KIAA2012: variants seen among roughly 807,000 people sequenced by gnomAD.
The protein encoded by KIAA2012 is uncharacterized protein KIAA2012.
In KIAA2012, 125 loss-of-function variants were observed where a neutral mutation model predicts 150.6. That is an observed-to-expected ratio of 0.83 (90% CI 0.72 to 0.96). The LOEUF is 0.96. Ranked by LOEUF, KIAA2012 falls within the 40% of genes least tolerant of loss-of-function variation. The pLI is 0.00. For synonymous variants in KIAA2012, 462 were observed against 504.7 expected (o/e 0.92, Z 1.13); for missense variants, 1,219 against 1,354.9 (o/e 0.90, Z 1.57).
At chr2:202,150,446 T>C (rs763593351) in intron 13 of KIAA2012, among the ~76,000 whole-genome samples, 60 of 144,614 alleles carry the variant, frequency 4.1e-4, no homozygotes, top group Non-Finnish European at 5.2e-4. Flanking sequence ...TTTTTGTTTT[T>C]TGTTTTTTGT....
chr2:202,178,932 C>CTGTA (rs1251452955), intron 15 of KIAA2012: 1 of 226,396 alleles, frequency 4.4e-6, no homozygotes, highest in African/African-American at 2.4e-5. Context: ...AACAGATTAA[C>CTGTA]TGTAGTATTA....
intron 10 of KIAA2012, among the ~76,000 whole-genome samples, chr2:202,112,245 A>C (rs1690380665): frequency 6.6e-6 from 1 of 152,074 alleles, no homozygotes; most frequent in Non-Finnish European, 1.5e-5. Flanking sequence ...GGGACACTGG[A>C]GATCAAGCTC....
At chr2:202,110,733 A>G (rs1025655201) in intron 10 of KIAA2012, among the ~76,000 whole-genome samples, 18 of 152,326 alleles carry the variant, frequency 1.2e-4, no homozygotes, top group African/African-American at 3.8e-4. Flanking sequence ...ATGCTCACTC[A>G]GGGACAGAAT....
chr2:202,080,598 A>C (rs1689427256), intron 2 of KIAA2012, among the ~76,000 whole-genome samples: 1 of 151,718 alleles, frequency 6.6e-6, no homozygotes, highest in Non-Finnish European at 1.5e-5. Flanking sequence ...CGGGAGGCTA[A>C]GGCAGGAGAA....
chr2:202,099,792 C>G lies in KIAA2012; in HGVS notation c.1008C>G (p.Leu336=), dbSNP rs1689995697. Residue 336 remains leucine, a synonymous_variant, in exon 6 of 24, where the codon CTC becomes CTG. Coordinates refer to ENST00000498697, the MANE Select transcript of KIAA2012 (RefSeq NM_001277372.4). Reference sequence around the variant, plus strand: ...CCTTCCCTAATAGGAAGGCAGATCTCAGCGGTAAGAACTCAAATGTCTTGC... The same window carrying G: ...CCTTCCCTAATAGGAAGGCAGATCTGAGCGGTAAGAACTCAAATGTCTTGC... ...GGAFPNRKAD[L]SDKQRNVKLH... 1 of 1,548,562 alleles carries G rather than the reference C, an allele frequency of 6.5e-7. No individual in the cohort carries two copies. The highest frequency in any genetic ancestry group is 2.0e-5 in the Admixed American group (1 of 50,622).
intron 10 of KIAA2012, among the ~76,000 whole-genome samples, chr2:202,110,382 G>C (rs918856510): frequency 9.9e-5 from 15 of 152,180 alleles, no homozygotes; most frequent in African/African-American, 3.6e-4. Flanking sequence ...CAGCTCCCCC[G>C]GGGCTTCCAT....
At position 202,202,451 on chromosome 2, in the gene KIAA2012, C is replaced by G. The variant is rs935158495; in HGVS notation, c.3430C>G (p.His1144Asp). 4 of 399,596 alleles carry G rather than the reference C, an allele frequency of 1.0e-5. No homozygotes were observed. The highest frequency in any genetic ancestry group is 4.1e-5 in the African/African-American group (2 of 48,626). 24.8% of individuals were successfully genotyped at this position (399,596 alleles called of 1,614,324 possible). ...TAGGCAAAAAGCTGCTTTGGAGAAA[C>G]ATTTTCATTTCTATCAAGAACTCCA... ...QARQKAALEKHFHFYQELHKE... is the reference protein window; with the variant it reads ...QARQKAALEKDFHFYQELHKE... The change falls in exon 23 of 24, where the codon CAT becomes GAT. Residue 1144 changes from histidine (H) to aspartate (D), a missense_variant. By Grantham distance (81) the His-to-Asp change is moderately conservative. Transcript: ENST00000498697.
At chr2:202,140,725 T>C (rs74329131) in intron 13 of KIAA2012, among the ~76,000 whole-genome samples, 287 of 152,322 alleles carry the variant, frequency 1.9e-3, no homozygotes, top group African/African-American at 6.4e-3. Flanking sequence ...TTAGAACAAA[T>C]TTCTGTCCAG....
intron 22 of KIAA2012, 77 bp from the exon 23 acceptor site, chr2:202,202,352 T>G: frequency 2.5e-6 from 1 of 400,834 alleles, no homozygotes. Context: ...AAATCTAAAG[T>G]TATCTTGCTG....
At chr2:202,145,187 T>G (rs984629714) in intron 13 of KIAA2012, among the ~76,000 whole-genome samples, 1 of 152,192 alleles carries the variant, frequency 6.6e-6, no homozygotes, top group African/African-American at 2.4e-5. Flanking sequence ...TGTTTCTTGT[T>G]TCTAAAGTCA....
chr2:202,191,759 A>G (rs1692330727), intron 19 of KIAA2012, among the ~76,000 whole-genome samples: 1 of 152,236 alleles, frequency 6.6e-6, no homozygotes, highest in African/African-American at 2.4e-5. Context: ...AGCTTTAAAC[A>G]CTACAAATGC....
intron 15 of KIAA2012, among the ~76,000 whole-genome samples, chr2:202,180,643 G>T (rs1333968770): frequency 6.6e-6 from 1 of 152,114 alleles, no homozygotes; most frequent in Non-Finnish European, 1.5e-5. Context: ...GGCCAACATA[G>T]CAAAACCCAG....
chr2:202,193,120 G>C (rs1432748972), intron 19 of KIAA2012, among the ~76,000 whole-genome samples, 181 bp from the exon 20 acceptor site: 1 of 152,190 alleles, frequency 6.6e-6, no homozygotes, highest in African/African-American at 2.4e-5. Context: ...GTTGAATCCA[G>C]GTTAATCAGA....
intron 14 of KIAA2012, among the ~76,000 whole-genome samples, chr2:202,157,289 C>G (rs1691550136): frequency 6.6e-6 from 1 of 152,176 alleles, no homozygotes. Flanking sequence ...CAGGGTAGTA[C>G]AGACAAAGAT....
intron 15 of KIAA2012, among the ~76,000 whole-genome samples, chr2:202,165,806 C>A (rs1417117122): frequency 6.6e-6 from 1 of 152,154 alleles, no homozygotes; most frequent in African/African-American, 2.4e-5. Context: ...TTTACCATGT[C>A]CTTCAGTTGA....
intron 14 of KIAA2012, among the ~76,000 whole-genome samples, chr2:202,161,764 G>A (rs939287510): frequency 7.2e-5 from 11 of 151,922 alleles, no homozygotes; most frequent in African/African-American, 1.7e-4. Context: ...AGCATCCTAC[G>A]AATACATCTT....
intron 15 of KIAA2012, among the ~76,000 whole-genome samples, chr2:202,176,690 A>T (rs938987234): frequency 5.3e-5 from 8 of 152,194 alleles, no homozygotes; most frequent in African/African-American, 1.9e-4. Flanking sequence ...AAATGAGCAA[A>T]TGATGTGAAC....
In KIAA2012 at chr2:202,093,117, C is replaced by T. The variant is rs1324535337; in HGVS notation, c.617C>T (p.Pro206Leu). The T allele has an allele frequency of 1.3e-6, 2 of 1,550,864 alleles. No individual in the cohort carries two copies. The highest frequency in any genetic ancestry group is 2.7e-5 in the African/African-American group (2 of 73,050). The change falls in exon 4 of 24, where the codon CCC (proline) becomes CTC (leucine). Residue 206 changes from proline to leucine, a missense_variant. Coordinates refer to ENST00000498697, the MANE Select transcript of KIAA2012 (RefSeq NM_001277372.4). ...CCACAACAAGATCTTTCAGGTGTAC[C>T]CCCAAAATACCATCTCCTGCCTGTC... ...LRPQQDLSGV[P>L]PKYHLLPVFP... is the part of the protein sequence containing the mutation.
At chr2:202,142,194 T>G (rs565930794) in intron 13 of KIAA2012, among the ~76,000 whole-genome samples, 5 of 152,332 alleles carry the variant, frequency 3.3e-5, no homozygotes, top group African/African-American at 1.2e-4. Flanking sequence ...CTTACTCTTT[T>G]TAAATGGTAA....
Sources: allele counts gnomAD v4.1 joint callset (sites outside exome capture counted in the v4.1 genomes callset), GRCh38; gene constraint gnomAD v4.1.1; transcripts MANE v1.5; gene names NCBI Gene and HGNC (gene_info 2026-07-23, HGNC 2026-07-21).